SPEG: variants seen among roughly 807,000 people sequenced by gnomAD.
SPEG encodes striated muscle enriched protein kinase.
In SPEG, 114 loss-of-function variants were observed where a neutral mutation model predicts 300.4. The ratio of observed to expected loss-of-function variants is 0.38; its 90% CI spans 0.33 to 0.44. SPEG has a LOEUF of 0.44. Ranked by LOEUF, SPEG falls within the 20% of genes least tolerant of loss-of-function variation. SPEG has a pLI of 1.00. For missense variants in SPEG, 4,201 were observed against 4,586.2 expected (o/e 0.92, Z 2.43); for synonymous variants, 1,964 against 2,018.9 (o/e 0.97, Z 0.73).
At chr2:219,442,230 C>A in intron 1 of SPEG, 1 of 438,048 alleles carries the variant, frequency 2.3e-6, no homozygotes, top group Non-Finnish European at 3.4e-6. Flanking sequence ...GGCGGCGGGC[C>A]GGGCGCGATC....
At chr2:219,442,151 G>T (rs1688966036) in intron 1 of SPEG, 5 of 1,035,356 alleles carry the variant, frequency 4.8e-6, no homozygotes, top group Non-Finnish European at 6.1e-6. Flanking sequence ...GAGGGAGGGC[G>T]GGTCACCGCA....
intron 30 of SPEG, 130 bp from the exon 31 acceptor site, chr2:219,485,216 G>A (rs866784335): frequency 3.4e-6 from 5 of 1,484,654 alleles, no homozygotes; most frequent in South Asian, 2.6e-5. Flanking sequence ...CTGGAGGGGA[G>A]GAAAGCAGGA....
At chr2:219,435,471 T>C (rs1575023824) in intron 1 of SPEG, 106 bp downstream of exon 1, 1 of 1,246,780 alleles carries the variant, frequency 8.0e-7, no homozygotes, top group Non-Finnish European at 1.1e-6. Flanking sequence ...TTCCGCCGCC[T>C]TCTTCCCAGG....
At chr2:219,488,928 G>A (rs1024117989) in intron 34 of SPEG, 28 bp downstream of exon 34, 42 of 1,583,388 alleles carry the variant, frequency 2.7e-5, no homozygotes, top group Non-Finnish European at 3.5e-5. Context: ...GGAGGGTTGG[G>A]GGAGCGGCAG....
chr2:219,472,389 A>C, intron 15 of SPEG, 58 bp downstream of exon 15: 120 of 1,461,910 alleles, frequency 8.2e-5, no homozygotes, highest in Non-Finnish European at 1.1e-4. Flanking sequence ...AGGCAGGCTC[A>C]GGCAGGACAC....
At position 219,459,869 on chromosome 2, in the gene SPEG, C is replaced by T. The variant is rs1314494397; in HGVS notation, c.2441-2013C>T. 6.6e-6 allele frequency among the ~76,000 whole-genome samples: 1 copy of T among 152,246 alleles called. No homozygotes were observed. Among genetic ancestry groups the T allele is most frequent in the Non-Finnish European group, 1.5e-5 (1 of 68,052 alleles). On this transcript the variant is annotated intron_variant, in intron 6 of 40. Transcript: ENST00000312358. The surrounding 1 kb of genome is among the most constrained non-coding windows in gnomAD (Gnocchi z 4.9). ...GGCCCCTCCTCTGCCCGGCCCCCAG[C>T]CCTCCTTCCTTACTGGCCATGCTGG...
Position 219,448,028 on chromosome 2 carries a change from G to A in SPEG, c.870G>A (p.Leu290=), listed in dbSNP as rs1456925764. 7 of 1,612,158 alleles carry A rather than the reference G, an allele frequency of 4.3e-6. No individual in the cohort carries two copies. The highest frequency in any genetic ancestry group is 5.9e-6 in the Non-Finnish European group (7 of 1,179,858). The change falls in exon 4 of 41, where the codon CTG becomes CTA. Residue 290 remains leucine (L), a synonymous_variant. Transcript: ENST00000312358. ...AGGAGCCCGACCTTCAGCCTCAACT[G>A]GCCAGCGAAGCCCCACGCCGCCCTG... is the stretch of plus-strand genomic sequence containing the variant. The part of the protein sequence containing the change: ...RREEPDLQPQ[L]ASEAPRRPAQ...
In SPEG at chr2:219,472,328, A is replaced by G. The variant is rs1691955498; in HGVS notation, c.3937A>G (p.Ile1313Val). ...CCCCCCCAGGAGTCTGGACATGGCC[A>G]TCGGTGGGTCAGGGCTGCACAGGGC... ...WNPPRSLDMA[I>V]DPDSLTYTVQ... Residue 1313 changes from isoleucine to valine, a missense_variant, in exon 15 of 41, where the codon ATC (isoleucine) becomes GTC (valine). This residue lies in a region of SPEG where 1,047 missense variants were observed against 1,356.8 expected (regional missense o/e 0.77). Transcript: ENST00000312358. 1 of 1,613,290 alleles carries G rather than the reference A, an allele frequency of 6.2e-7. No homozygotes were observed. Among genetic ancestry groups the G allele is most frequent in the Non-Finnish European group, 8.5e-7 (1 of 1,179,672 alleles).
Position 219,493,086 on chromosome 2 carries a change from A to G in SPEG, c.*300A>G. On this transcript the variant is annotated 3_prime_UTR_variant, in exon 41 of 41. Coordinates refer to ENST00000312358, the MANE Select transcript of SPEG (RefSeq NM_005876.5). ...AGAGGAAAAGGAATCGAGGGACAGGAAGGGGGAGGCTCTAGGAAGGTTCTG... is the reference window on the plus strand; with the variant it reads ...AGAGGAAAAGGAATCGAGGGACAGGGAGGGGGAGGCTCTAGGAAGGTTCTG... 3.1e-6 allele frequency: 2 copies of G among 637,212 alleles called. No homozygotes were observed. Among genetic ancestry groups the G allele is most frequent in the South Asian group, 3.1e-5 (2 of 65,450 alleles). The allele number at this position is 637,212 out of a possible 1,614,324, so 39.5% of individuals were successfully genotyped here. A position where few individuals can be genotyped will look rare whatever the true frequency, so the allele number is the denominator to read the frequency against.
chr2:219,488,214 A>G lies in SPEG; in HGVS notation c.7762A>G (p.Ile2588Val). ...SESDFPPVFH[I>V]KLKDQVLLEG... ...TCCAGACTTCCCCCCAGTCTTCCAC[A>G]TCAAACTCAAGGACCAGGTGCTGCT... is the stretch of plus-strand genomic sequence containing the variant. Residue 2588 changes from isoleucine (I) to valine (V), a missense_variant, in exon 32 of 41, where the codon ATC becomes GTC. Physicochemically the swap from Ile to Val is conservative, Grantham distance 29 (BLOSUM62 3). Transcript: ENST00000312358. 1 of 1,613,166 alleles carries G rather than the reference A, an allele frequency of 6.2e-7. No homozygotes were observed. Among genetic ancestry groups the G allele is most frequent in the South Asian group, 1.1e-5 (1 of 90,950 alleles).
At position 219,464,457 on chromosome 2, in the gene SPEG, C is replaced by G. The variant is rs753433244; in HGVS notation, c.2730C>G (p.Arg910=). 6 of 1,612,498 alleles carry G rather than the reference C, an allele frequency of 3.7e-6. No homozygotes were observed. In the Admixed American group the frequency reaches 6.7e-5, roughly 18 times the overall value. Residue 910 remains arginine, a synonymous_variant, in exon 9 of 41, where the codon CGC becomes CGG. Coordinates refer to ENST00000312358, the MANE Select transcript of SPEG (RefSeq NM_005876.5). This position sits in a 1 kb window ranked among gnomAD's most constrained non-coding sequence, Gnocchi z 4.5. Reference sequence around the variant, plus strand: ...GGCTGAGAAACCGCCAGCCCGTGCGCCCAGACCAGCGGCGCTTTGCGGAGG... The same window carrying G: ...GGCTGAGAAACCGCCAGCCCGTGCGGCCAGACCAGCGGCGCTTTGCGGAGG... The part of the protein sequence containing the change: ...VSWLRNRQPV[R]PDQRRFAEEA...
chr2:219,442,092 T>A, intron 1 of SPEG: 1 of 1,190,798 alleles, frequency 8.4e-7, no homozygotes, highest in Non-Finnish European at 1.1e-6. Flanking sequence ...AGGTGAGGGC[T>A]CCGGGGGCGG....
chr2:219,461,451 ATG>A, intron 6 of SPEG: 1 of 1,032,122 alleles, frequency 9.7e-7, no homozygotes, highest in South Asian at 3.8e-5. Context: ...CACCCAAGAA[ATG>A]GGCGTCCTAG....
rs1692123468 is a variant in SPEG, at chr2:219,473,979, C to T, written c.4447+76C>T. 2 of 1,481,004 alleles carry T rather than the reference C, an allele frequency of 1.4e-6. No homozygotes were observed. Among genetic ancestry groups the T allele is most frequent in the East Asian group, 4.6e-5 (2 of 43,122 alleles). 91.7% of individuals were successfully genotyped at this position (1,481,004 alleles called of 1,614,324 possible). A position where few individuals can be genotyped will look rare whatever the true frequency, so the allele number is the denominator to read the frequency against. On this transcript the variant is annotated intron_variant, in intron 18 of 40. Transcript: ENST00000312358. This position sits in a 1 kb window ranked among gnomAD's most constrained non-coding sequence, Gnocchi z 4.6. ...TCTACTCACACCCCCAGGTACACAA[C>T]CTGCCTGACACTGCTGCAGATCCAA...
intron 38 of SPEG, 67 bp downstream of exon 38, chr2:219,491,023 AC>A: frequency 8.1e-7 from 1 of 1,227,506 alleles, no homozygotes. Flanking sequence ...GCCAGGGCTC[AC>A]CCCACTTCAC....
At chr2:219,478,222 G>T in intron 22 of SPEG, 117 bp downstream of exon 22, 2 of 854,222 alleles carry the variant, frequency 2.3e-6, no homozygotes, top group East Asian at 2.6e-5. Context: ...ACAATTGGGA[G>T]GGATACATCT....
chr2:219,461,703 C>T (rs1021720163), intron 6 of SPEG, 179 bp from the exon 7 acceptor site: 36 of 807,124 alleles, frequency 4.5e-5, no homozygotes, highest in Non-Finnish European at 6.3e-5. Context: ...AGAGGAGGTT[C>T]CAGGGGCTCA....
Position 219,458,096 on chromosome 2 carries a change from C to T in SPEG, c.2441-3786C>T, listed in dbSNP as rs1690333929. Among the ~76,000 whole-genome samples, 1 of 152,130 alleles carries T rather than the reference C, an allele frequency of 6.6e-6. No individual in the cohort carries two copies. Among genetic ancestry groups the T allele is most frequent in the South Asian group, 2.1e-4 (1 of 4,820 alleles). Reference sequence around the variant, plus strand: ...CCTGAGGACATGACCATGTCTTTGCCACTCCTTAGCACTGGCAGCTGTGCC... The same window carrying T: ...CCTGAGGACATGACCATGTCTTTGCTACTCCTTAGCACTGGCAGCTGTGCC... On this transcript the variant is annotated intron_variant, in intron 6 of 40. Coordinates refer to ENST00000312358, the MANE Select transcript of SPEG (RefSeq NM_005876.5). This position sits in a 1 kb window ranked among gnomAD's most constrained non-coding sequence, Gnocchi z 4.2.
At chr2:219,467,087 C>T (rs770430508) in intron 9 of SPEG, 87 bp from the exon 10 acceptor site, 55 of 1,424,444 alleles carry the variant, frequency 3.9e-5, no homozygotes, top group Non-Finnish European at 4.6e-5. Flanking sequence ...CTGTGTCTGT[C>T]TGTCTCTCTG....
Sources: gnomAD v4.1 joint callset for allele counts (sites outside exome capture counted in the v4.1 genomes callset) on GRCh38, gnomAD v4.1.1 for gene constraint, gnomAD v4.1.1 regional missense constraint, Gnocchi (gnomAD v3.1) non-coding constraint, MANE v1.5 for transcripts, NCBI Gene and HGNC (gene_info 2026-07-23, HGNC 2026-07-21) for gene names.